MLLT10: variants seen among roughly 807,000 people sequenced by gnomAD.
MLLT10 encodes the protein protein AF-10.
MLLT10 carries 30 observed loss-of-function variants against 129.1 expected under a neutral mutation model. That is an observed-to-expected ratio of 0.23 (90% CI 0.17 to 0.32). The LOEUF is 0.32. Ranked by LOEUF, MLLT10 falls within the 10% of genes least tolerant of loss-of-function variation. MLLT10 has a pLI of 1.00. For synonymous variants in MLLT10, 490 were observed against 446.4 expected, an observed-to-expected ratio of 1.10 and a Z score of -1.23; for missense variants, 1,119 against 1,268.3, an observed-to-expected ratio of 0.88 and a Z score of 1.79.
chr10:21,578,142 G>A (rs769635478), intron 3 of MLLT10, among the ~76,000 whole-genome samples: 23 of 151,960 alleles, frequency 1.5e-4, no homozygotes, highest in Admixed American at 3.9e-4. Flanking sequence ...TGATCCACCC[G>A]CCTAGACCTC....
chr10:21,539,691 C>A (rs1003532354), intron 3 of MLLT10, among the ~76,000 whole-genome samples: 2 of 152,104 alleles, frequency 1.3e-5, no homozygotes, highest in African/African-American at 4.8e-5. Context: ...ATTACTTGAA[C>A]CCGGGAGGTA....
intron 3 of MLLT10, among the ~76,000 whole-genome samples, chr10:21,578,141 C>T (rs1397526398): frequency 1.3e-5 from 2 of 152,126 alleles, no homozygotes; most frequent in African/African-American, 4.8e-5. Context: ...GTGATCCACC[C>T]GCCTAGACCT....
chr10:21,662,924 T>C (rs1367815445), intron 9 of MLLT10, among the ~76,000 whole-genome samples: 2 of 152,184 alleles, frequency 1.3e-5, no homozygotes, highest in African/African-American at 2.4e-5. Flanking sequence ...GTTATTTTTT[T>C]CTCCCTCAAG....
intron 1 of MLLT10, 33 bp downstream of exon 1, chr10:21,534,553 G>C (rs1259367103): frequency 2.9e-6 from 4 of 1,378,946 alleles, no homozygotes; most frequent in South Asian, 1.5e-5. Context: ...GGCCGGGCGG[G>C]GGGCGCCGGG....
rs917692954 is a variant in MLLT10 at position 21,631,154 on chromosome 10, A to G, written c.699+13947A>G. ...TGAAACCCTGTCTCTACTAAAAAAT[A>G]CAAAAAAAAATTAGTCGGGCATGGT... On this transcript the variant is annotated intron_variant, in intron 8 of 22. Transcript: ENST00000307729. Among the ~76,000 whole-genome samples, 39 of 151,986 alleles carry G rather than the reference A, an allele frequency of 2.6e-4. No individual in the cohort carries two copies. The South Asian group carries it at 3.3e-3, about 13-fold the overall frequency.
intron 13 of MLLT10, 47 bp from the exon 14 acceptor site, chr10:21,713,722 GACA>G (rs1299788327): frequency 6.5e-7 from 1 of 1,532,562 alleles, no homozygotes; most frequent in South Asian, 1.2e-5. Flanking sequence ...GTGTGTCTGT[GACA>G]AATTTGACTG....
intron 3 of MLLT10, among the ~76,000 whole-genome samples, chr10:21,540,268 A>G (rs928049491): frequency 1.3e-5 from 2 of 151,994 alleles, no homozygotes; most frequent in Admixed American, 6.6e-5. Context: ...GCGCGTGCCT[A>G]TAGTCTAGCT....
At chr10:21,669,127 C>G in intron 9 of MLLT10, 2 of 1,229,016 alleles carry the variant, frequency 1.6e-6, no homozygotes, top group Non-Finnish European at 1.0e-6. Flanking sequence ...TTTAAACTTA[C>G]TTTGAAACGT....
At chr10:21,650,791 T>A (rs916991995) in intron 8 of MLLT10, among the ~76,000 whole-genome samples, 2 of 152,206 alleles carry the variant, frequency 1.3e-5, no homozygotes, top group Admixed American at 1.3e-4. Flanking sequence ...TTTTTATATT[T>A]AGCTCATCAG....
chr10:21,648,451 GGTTT>G (rs1299259132), intron 8 of MLLT10, among the ~76,000 whole-genome samples: 8 of 152,052 alleles, frequency 5.3e-5, no homozygotes, highest in African/African-American at 1.9e-4. Flanking sequence ...AAGTTGTTAG[GGTTT>G]GTTTGTTTAC....
rs114546916 is a variant in MLLT10 at position 21,720,082 on chromosome 10, G to A, written c.1878+6132G>A. Among the ~76,000 whole-genome samples, 813 of 152,286 alleles carry A rather than the reference G, an allele frequency of 5.3e-3. 5 individuals are homozygous for A. The highest frequency in any genetic ancestry group is 0.019 in the African/African-American group (770 of 41,558). On this transcript the variant is annotated intron_variant, in intron 14 of 22. Coordinates refer to ENST00000307729, the MANE Select transcript of MLLT10 (RefSeq NM_001195626.3). ...ATTAACCAGTTAAGAAACCTACTTA[G>A]AATTTGTTGGTTAATCTATACAGTC...
chr10:21,740,947 A>C lies in MLLT10; in HGVS notation c.3162+711A>C, dbSNP rs563554675. Among the ~76,000 whole-genome samples the C allele has an allele frequency of 1.2e-4, 18 of 152,328 alleles. No homozygotes were observed. The South Asian group carries it at 3.5e-3, about 30-fold the overall frequency. On this transcript the variant is annotated intron_variant, in intron 22 of 22. Coordinates refer to ENST00000307729, the MANE Select transcript of MLLT10 (RefSeq NM_001195626.3). ...TAGAGGAAGGCTATGGGGATGTAGAATGGAGACTGGACATCAGGAAAAGGA... is the reference window on the plus strand; with the variant it reads ...TAGAGGAAGGCTATGGGGATGTAGACTGGAGACTGGACATCAGGAAAAGGA...
At chr10:21,543,248 G>A (rs1031253543) in intron 3 of MLLT10, among the ~76,000 whole-genome samples, 1 of 152,058 alleles carries the variant, frequency 6.6e-6, no homozygotes, top group African/African-American at 2.4e-5. Flanking sequence ...AGTCTCCCCA[G>A]TAGCTGGGGT....
intron 5 of MLLT10, among the ~76,000 whole-genome samples, chr10:21,607,509 A>G (rs1230425772): frequency 6.6e-6 from 1 of 151,896 alleles, no homozygotes; most frequent in Non-Finnish European, 1.5e-5. Flanking sequence ...TAGTAGATAC[A>G]CGGTTTCTCC....
At chr10:21,708,492 T>G in intron 13 of MLLT10, 1 of 864,484 alleles carries the variant, frequency 1.2e-6, no homozygotes, top group Non-Finnish European at 1.4e-6. Flanking sequence ...TTATTTTCAT[T>G]TTCAAAGAAA....
Position 21,742,056 on chromosome 10 carries a change from T to TACTACAGCTATGAAGAAACGCA in MLLT10, c.*76_*97dup. 1 of 1,359,496 alleles carries TACTACAGCTATGAAGAAACGCA rather than the reference T, an allele frequency of 7.4e-7. No individual in the cohort carries two copies. Among genetic ancestry groups the TACTACAGCTATGAAGAAACGCA allele is most frequent in the Non-Finnish European group, 1.0e-6 (1 of 959,854 alleles). The allele number at this position is 1,359,496 out of a possible 1,614,324, so 84.2% of individuals were successfully genotyped here. On this transcript the variant is annotated 3_prime_UTR_variant, in exon 23 of 23. Coordinates refer to ENST00000307729, the MANE Select transcript of MLLT10 (RefSeq NM_001195626.3). ...CATCTGGCTGCCTTTGCAGTCCTTTTACTACAGCTATGAAGAAACGCAACA... is the reference window on the plus strand; with the variant it reads ...CATCTGGCTGCCTTTGCAGTCCTTTTACTACAGCTATGAAGAAACGCAACTACAGCTATGAAGAAACGCAACA...
In MLLT10 at chr10:21,651,739, G is replaced by A. The variant is rs770898242; in HGVS notation, c.766G>A (p.Val256Ile). The A allele has an allele frequency of 1.2e-6, 2 of 1,612,862 alleles. No individual in the cohort carries two copies. The highest frequency in any genetic ancestry group is 1.7e-5 in the Admixed American group (1 of 59,914). The change falls in exon 9 of 23, where the codon GTT (valine) becomes ATT (isoleucine). Residue 256 changes from valine (V) to isoleucine (I), a missense_variant. Val to Ile is a conservative substitution (Grantham distance 29). Coordinates refer to ENST00000307729, the MANE Select transcript of MLLT10 (RefSeq NM_001195626.3). ...GCAGCCAGAACCATCACCTGCATTG[G>A]TTCCATCCTTGACTGTTACTACAGA... ...KKQPEPSPAL[V>I]PSLTVTTEKT...
intron 15 of MLLT10, 27 bp from the exon 16 acceptor site, chr10:21,727,829 A>G (rs1468206301): frequency 6.3e-7 from 1 of 1,591,808 alleles, no homozygotes; most frequent in Non-Finnish European, 8.6e-7. Context: ...GAGTCACTTT[A>G]TCAGCTCTGA....
intron 4 of MLLT10, among the ~76,000 whole-genome samples, chr10:21,591,523 T>G (rs566916316): frequency 7.9e-5 from 12 of 152,176 alleles, no homozygotes; most frequent in Non-Finnish European, 1.3e-4. Flanking sequence ...TATTTTTTAG[T>G]GCTGTATTTT....
Sources: gnomAD v4.1 joint callset for allele counts (sites outside exome capture counted in the v4.1 genomes callset) on GRCh38, gnomAD v4.1.1 for gene constraint, MANE v1.5 for transcripts, NCBI Gene and HGNC (gene_info 2026-07-23, HGNC 2026-07-21) for gene names.